Variants in SMYD3 observed in about 807,000 individuals in gnomAD.
SMYD3 encodes SET and MYND domain containing 3, also known as histone-lysine N-methyltransferase SMYD3.
Under a neutral mutation model 57.7 loss-of-function variants are expected in SMYD3, and 36 were observed. The observed-to-expected ratio is 0.62, with a 90% CI of 0.48 to 0.82. SMYD3 has a LOEUF of 0.82. Ranked by LOEUF, SMYD3 falls within the 40% of genes least tolerant of loss-of-function variation. The pLI is 0.00. For missense variants in SMYD3, 515 were observed against 538.8 expected (o/e 0.96, Z 0.44); for synonymous variants, 211 against 195.0 (o/e 1.08, Z -0.68).
At chr1:246,375,685 C>T (rs965451045) in intron 1 of SMYD3, among the ~76,000 whole-genome samples, 2 of 152,030 alleles carry the variant, frequency 1.3e-5, no homozygotes, top group African/African-American at 4.8e-5. Flanking sequence ...GTCAAAAGAT[C>T]GGCAATAATG....
In SMYD3 at chr1:246,002,385, C is replaced by T. The variant is rs113987248; in HGVS notation, c.532-72448G>A. Among the ~76,000 whole-genome samples, 17 of 49,826 alleles carry T rather than the reference C, an allele frequency of 3.4e-4. 1 individual carries two copies. In the South Asian group the frequency reaches 7.4e-3, roughly 22 times the overall value. 32.7% of individuals were successfully genotyped at this position (49,826 alleles called of 152,430 possible). A position where few individuals can be genotyped will look rare whatever the true frequency, so the allele number is the denominator to read the frequency against. ...ATTTTTAGTAGAGACGGGGTTTCACCGTGTTAGCCAGGATGGTCTCGATCT... is the reference window on the plus strand; with the variant it reads ...ATTTTTAGTAGAGACGGGGTTTCACTGTGTTAGCCAGGATGGTCTCGATCT... On this transcript the variant is annotated intron_variant, in intron 5 of 11. Transcript: ENST00000490107.
intron 5 of SMYD3, among the ~76,000 whole-genome samples, chr1:245,987,001 T>C (rs777120090): frequency 4.8e-4 from 73 of 152,186 alleles, no homozygotes; most frequent in Non-Finnish European, 9.0e-4. Flanking sequence ...CTGGAGAGCA[T>C]ACCTCCTTTT....
intron 5 of SMYD3, among the ~76,000 whole-genome samples, chr1:246,222,871 G>A (rs11586211): frequency 0.088 from 13,375 of 152,010 alleles, 1,042 homozygotes; most frequent in East Asian, 0.24. Flanking sequence ...TAATAATCAC[G>A]GTACATTTGA....
intron 11 of SMYD3, among the ~76,000 whole-genome samples, chr1:245,763,239 TC>T (rs1184381813): frequency 6.6e-6 from 1 of 152,176 alleles, no homozygotes; most frequent in African/African-American, 2.4e-5. Flanking sequence ...AATGAATACT[TC>T]CTAAGTTCCA....
intron 10 of SMYD3, among the ~76,000 whole-genome samples, chr1:245,842,577 A>G (rs182246635): frequency 1.3e-5 from 2 of 152,322 alleles, no homozygotes; most frequent in Admixed American, 6.5e-5. Context: ...ATAATTAGCA[A>G]CTGCTAACAG....
intron 1 of SMYD3, among the ~76,000 whole-genome samples, chr1:246,470,040 T>A (rs1182524405): frequency 6.6e-6 from 1 of 152,232 alleles, no homozygotes; most frequent in Non-Finnish European, 1.5e-5. Flanking sequence ...TCAAGTCTAA[T>A]CATGAGAAAA....
intron 1 of SMYD3, among the ~76,000 whole-genome samples, chr1:246,361,265 A>G (rs1436804346): frequency 3.3e-5 from 5 of 152,240 alleles, no homozygotes; most frequent in African/African-American, 1.2e-4. Context: ...CACTCCTGCA[A>G]GAATGGCCAT....
At chr1:246,168,508 G>T (rs2062262203) in intron 5 of SMYD3, among the ~76,000 whole-genome samples, 5 of 152,202 alleles carry the variant, frequency 3.3e-5, no homozygotes, top group Admixed American at 3.3e-4. Flanking sequence ...AATCTGTGAA[G>T]AACCTTTGGC....
chr1:246,228,834 T>C (rs1318547791), intron 5 of SMYD3, among the ~76,000 whole-genome samples: 1 of 152,180 alleles, frequency 6.6e-6, no homozygotes, highest in East Asian at 1.9e-4. Flanking sequence ...TTTTAGTATG[T>C]ATATTATTTT....
intron 5 of SMYD3, chr1:245,930,494 G>C (rs1258143609): frequency 3.6e-6 from 1 of 280,634 alleles, no homozygotes; most frequent in Non-Finnish European, 6.9e-6. Context: ...TTTACCAGGA[G>C]TCCATCACTG....
intron 3 of SMYD3, among the ~76,000 whole-genome samples, chr1:246,333,327 T>C (rs147927746): frequency 6.6e-6 from 1 of 152,214 alleles, no homozygotes; most frequent in East Asian, 1.9e-4. Context: ...GAAATACCCT[T>C]CTACACATCA....
chr1:246,498,022 A>G (rs1435348445), intron 1 of SMYD3, among the ~76,000 whole-genome samples: 3 of 152,224 alleles, frequency 2.0e-5, no homozygotes, highest in African/African-American at 7.2e-5. Flanking sequence ...AAACTATACT[A>G]AGATCCCACT....
intron 10 of SMYD3, among the ~76,000 whole-genome samples, chr1:245,851,497 T>C (rs2050974504): frequency 6.6e-6 from 1 of 152,184 alleles, no homozygotes. Context: ...CTCTGTCTCC[T>C]ACCGGCCAAG....
chr1:245,987,938 T>A (rs1027806362), intron 5 of SMYD3, among the ~76,000 whole-genome samples: 32 of 152,218 alleles, frequency 2.1e-4, no homozygotes, highest in African/African-American at 7.0e-4. Flanking sequence ...ACGGTCCCAC[T>A]CACAGACTCT....
At chr1:246,430,115 T>A (rs1466625939) in intron 1 of SMYD3, among the ~76,000 whole-genome samples, 1 of 144,596 alleles carries the variant, frequency 6.9e-6, no homozygotes, top group African/African-American at 2.6e-5. Flanking sequence ...CTCAAGGATA[T>A]GACTGGCAAG....
At chr1:246,059,481 G>C (rs1173205986) in intron 5 of SMYD3, among the ~76,000 whole-genome samples, 1 of 152,130 alleles carries the variant, frequency 6.6e-6, no homozygotes, top group African/African-American at 2.4e-5. Flanking sequence ...GACTCCACTG[G>C]CACTAGGACC....
intron 1 of SMYD3, among the ~76,000 whole-genome samples, chr1:246,475,716 G>A (rs1008486491): frequency 6.6e-6 from 1 of 152,024 alleles, no homozygotes; most frequent in Non-Finnish European, 1.5e-5. Context: ...CTAGGCTCAA[G>A]CAATCCTCCC....
At chr1:246,213,120 T>C (rs1008964197) in intron 5 of SMYD3, among the ~76,000 whole-genome samples, 11 of 152,164 alleles carry the variant, frequency 7.2e-5, no homozygotes, top group African/African-American at 2.7e-4. Context: ...AAGAATTCTG[T>C]CAAGGGAAAT....
intron 5 of SMYD3, among the ~76,000 whole-genome samples, chr1:246,215,606 A>G (rs5021683): frequency 0.25 from 38,273 of 152,038 alleles, 5,540 homozygotes; most frequent in East Asian, 0.58. Flanking sequence ...CTTCTCCCAC[A>G]GAGTACTTTG....
Sources: allele counts gnomAD v4.1 joint callset (sites outside exome capture counted in the v4.1 genomes callset), GRCh38; gene constraint gnomAD v4.1.1; transcripts MANE v1.5; gene names NCBI Gene and HGNC (gene_info 2026-07-23, HGNC 2026-07-21).